Variants in UPK1A observed in about 807,000 individuals in gnomAD.
UPK1A encodes uroplakin 1A.
UPK1A carries 31 observed loss-of-function variants against 32.3 expected under a neutral mutation model. The ratio of observed to expected loss-of-function variants is 0.96; its 90% CI spans 0.72 to 1.30. UPK1A has a LOEUF of 1.30. Ranked by LOEUF, UPK1A falls within the 50% of genes most tolerant of loss-of-function variation. UPK1A has a pLI of 0.00. For missense variants in UPK1A, 340 were observed against 357.4 expected, an observed-to-expected ratio of 0.95 and a Z score of 0.39; for synonymous variants, 135 against 137.1, an observed-to-expected ratio of 0.98 and a Z score of 0.11.
At chr19:35,676,056 C>G in intron 6 of UPK1A, 37 bp downstream of exon 6, 1 of 1,588,784 alleles carries the variant, frequency 6.3e-7, no homozygotes, top group African/African-American at 1.3e-5. Context: ...GTCTATCCAT[C>G]TGTCTGTCTT....
At chr19:35,667,750 T>C (rs1374568048) in intron 2 of UPK1A, among the ~76,000 whole-genome samples, 1 of 151,974 alleles carries the variant, frequency 6.6e-6, no homozygotes, top group Non-Finnish European at 1.5e-5. Context: ...CACCTCAGCC[T>C]CCCAAAGTGT....
intron 3 of UPK1A, among the ~76,000 whole-genome samples, chr19:35,670,378 C>T (rs150337592): frequency 0.011 from 1,483 of 140,428 alleles, 10 homozygotes; most frequent in Non-Finnish European, 0.015. Context: ...CCTCCCCTCC[C>T]TTCCCCTCCC....
chr19:35,673,368 C>T, intron 4 of UPK1A, 62 bp downstream of exon 4: 1 of 1,610,818 alleles, frequency 6.2e-7, no homozygotes, highest in Non-Finnish European at 8.5e-7. Context: ...GGTCCCGGCG[C>T]GGCGGGGCGG....
chr19:35,667,595 G>C (rs532480276), intron 2 of UPK1A, among the ~76,000 whole-genome samples: 1 of 151,788 alleles, frequency 6.6e-6, no homozygotes, highest in East Asian at 1.9e-4. Flanking sequence ...CTGGGCTCCA[G>C]CAATTCTCCT....
intron 3 of UPK1A, among the ~76,000 whole-genome samples, chr19:35,672,549 T>C (rs1968118823): frequency 6.6e-6 from 1 of 151,710 alleles, no homozygotes; most frequent in Non-Finnish European, 1.5e-5. Context: ...ATTACAGGCG[T>C]AAGCCACTGC....
chr19:35,673,177 G>C (rs1968127559), intron 3 of UPK1A, 55 bp from the exon 4 acceptor site: 1 of 1,571,178 alleles, frequency 6.4e-7, no homozygotes, highest in African/African-American at 1.3e-5. Context: ...CTTCCCTGAC[G>C]GGGTGTGGCT....
At chr19:35,671,019 A>T (rs1968086245) in intron 3 of UPK1A, among the ~76,000 whole-genome samples, 1 of 151,564 alleles carries the variant, frequency 6.6e-6, no homozygotes, top group Non-Finnish European at 1.5e-5. Context: ...CTGCCCTCTT[A>T]TTTTCTTATC....
Position 35,668,640 on chromosome 19 carries a change from T to C in UPK1A, c.271T>C (p.Ser91Pro). Residue 91 changes from serine (S) to proline (P), a missense_variant, in exon 3 of 8, where the codon TCC (serine) becomes CCC (proline). Transcript: ENST00000617999. Reference sequence around the variant, plus strand: ...GGGTGCCGCACTCTGCCGCCGCCGGTCCATGGTCCTCACGGTGAGACTCCA... The same window carrying C: ...GGGTGCCGCACTCTGCCGCCGCCGGCCCATGGTCCTCACGGTGAGACTCCA... The C allele has an allele frequency of 6.2e-7, 1 of 1,613,166 alleles. No homozygotes were observed. Among genetic ancestry groups the C allele is most frequent in the South Asian group, 1.1e-5 (1 of 90,992 alleles).
At chr19:35,672,253 C>T (rs143046724) in intron 3 of UPK1A, among the ~76,000 whole-genome samples, 3 of 152,256 alleles carry the variant, frequency 2.0e-5, no homozygotes, top group African/African-American at 7.2e-5. Context: ...CTGAGAACAT[C>T]GTTTTATGTT....
intron 3 of UPK1A, among the ~76,000 whole-genome samples, chr19:35,669,090 G>A (rs1968046791): frequency 6.6e-6 from 1 of 152,032 alleles, no homozygotes; most frequent in African/African-American, 2.4e-5. Flanking sequence ...TTTACTACAA[G>A]CCACGAGCTG....
In UPK1A at chr19:35,668,478, G is replaced by GA; in HGVS notation, c.110dup (p.Thr38AspfsTer22). The stretch of plus-strand genomic sequence containing the variant: ...GCTGTCAGGCCTGTCCCTGTTTGCT[G>GA]AGACCATATGGGTGACAGCCGACCA... On this transcript the variant is annotated frameshift_variant, in exon 3 of 8. Coordinates refer to ENST00000617999, the Ensembl canonical transcript of UPK1A. LOFTEE classifies it high-confidence loss of function. 6.2e-7 allele frequency: 1 copy of GA among 1,614,208 alleles called. No individual in the cohort carries two copies. The highest frequency in any genetic ancestry group is 1.3e-5 in the African/African-American group (1 of 75,054).
At chr19:35,675,443 G>A (rs943388940) in intron 5 of UPK1A, among the ~76,000 whole-genome samples, 4 of 151,758 alleles carry the variant, frequency 2.6e-5, no homozygotes, top group Non-Finnish European at 4.4e-5. Flanking sequence ...CACCACACCC[G>A]GCAAATTTTG....
intron 2 of UPK1A, among the ~76,000 whole-genome samples, chr19:35,667,726 T>A (rs1351640110): frequency 6.6e-6 from 1 of 152,046 alleles, no homozygotes; most frequent in Admixed American, 6.6e-5. Context: ...ACTCCTGACC[T>A]GAGGTGATCT....
At chr19:35,669,238 AG>A (rs1478359074) in intron 3 of UPK1A, among the ~76,000 whole-genome samples, 1 of 152,112 alleles carries the variant, frequency 6.6e-6, no homozygotes, top group Admixed American at 6.6e-5. Flanking sequence ...TCACACATTG[AG>A]ACAATGGCAG....
chr19:35,674,142 T>C (rs756339344), intron 5 of UPK1A, among the ~76,000 whole-genome samples: 1 of 151,856 alleles, frequency 6.6e-6, no homozygotes, highest in African/African-American at 2.4e-5. Context: ...GGGCTCAGGA[T>C]TGGAGCGATT....
exon 8 of UPK1A, chr19:35,678,225 T>G: frequency 2.4e-5 from 13 of 539,980 alleles, no homozygotes; most frequent in Non-Finnish European, 3.2e-5. Context: ...TGTGTGCACA[T>G]ATCCTTAGCC....
chr19:35,678,238 T>C, exon 8 of UPK1A: 1 of 489,394 alleles, frequency 2.0e-6, no homozygotes, highest in Non-Finnish European at 3.6e-6. Context: ...CCTTAGCCCA[T>C]CTTTCAAGGG....
exon 8 of UPK1A, chr19:35,678,319 A>G: frequency 3.0e-6 from 1 of 328,568 alleles, no homozygotes; most frequent in Non-Finnish European, 5.6e-6. Context: ...CCTTCATGGC[A>G]GGCATCGCCA....
intron 4 of UPK1A, 40 bp from the exon 5 acceptor site, chr19:35,673,398 C>T (rs1568347982): frequency 6.2e-7 from 1 of 1,611,510 alleles, no homozygotes; most frequent in Non-Finnish European, 8.5e-7. Context: ...TCTCTCCCCA[C>T]CCAGCCCTGC....
Sources: allele counts gnomAD v4.1 joint callset (sites outside exome capture counted in the v4.1 genomes callset), GRCh38; gene constraint gnomAD v4.1.1; transcripts MANE v1.5; gene names NCBI Gene and HGNC (gene_info 2026-07-23, HGNC 2026-07-21).